G3BP1: variants seen among roughly 807,000 people sequenced by gnomAD.
G3BP1 encodes G3BP stress granule assembly factor 1.
In G3BP1, 35 loss-of-function variants were observed where a neutral mutation model predicts 58.6. That is an observed-to-expected ratio of 0.60 (90% CI 0.46 to 0.79). The LOEUF is 0.79. Ranked by LOEUF, G3BP1 falls within the 30% of genes least tolerant of loss-of-function variation. The pLI is 0.00. For synonymous variants in G3BP1, 191 were observed against 195.4 expected, an observed-to-expected ratio of 0.98 and a Z score of 0.19; for missense variants, 523 against 580.8, an observed-to-expected ratio of 0.90 and a Z score of 1.02.
At chr5:151,792,069 C>T (rs1451881745) in intron 4 of G3BP1, 2 of 456,126 alleles carry the variant, frequency 4.4e-6, no homozygotes, top group Middle Eastern at 3.2e-4. Context: ...GTTCCTGGCC[C>T]AGTCCCTATT....
At position 151,800,877 on chromosome 5, in the gene G3BP1, GC is replaced by G; in HGVS notation, c.1194+9del. 7 of 1,355,018 alleles carry G rather than the reference GC, an allele frequency of 5.2e-6. No homozygotes were observed. Among genetic ancestry groups the G allele is most frequent in the Non-Finnish European group, 7.3e-6 (7 of 964,590 alleles). 83.9% of individuals were successfully genotyped at this position (1,355,018 alleles called of 1,614,324 possible). A position where few individuals can be genotyped will look rare whatever the true frequency, so the allele number is the denominator to read the frequency against. On this transcript the variant is annotated intron_variant, in intron 11 of 11. Transcript: ENST00000356245. Reference sequence around the variant, plus strand: ...AAAGTCCTTAGCAACAGGGTAAGCAGCTTTTTGTCTTGATTTTTTTTTTTTT... The same window carrying G: ...AAAGTCCTTAGCAACAGGGTAAGCAGTTTTTGTCTTGATTTTTTTTTTTTT...
chr5:151,785,745 A>G, intron 1 of G3BP1, among the ~76,000 whole-genome samples: 1 of 152,178 alleles, frequency 6.6e-6, no homozygotes, highest in East Asian at 1.9e-4. Context: ...TAACTTCCCC[A>G]TTTTATTTTG....
chr5:151,804,329 T>C lies in G3BP1; in HGVS notation c.*238T>C, dbSNP rs1448648874. The C allele has an allele frequency of 5.5e-6, 2 of 364,082 alleles. No homozygotes were observed. Among genetic ancestry groups the C allele is most frequent in the African/African-American group, 2.1e-5 (1 of 47,148 alleles). 22.6% of individuals were successfully genotyped at this position (364,082 alleles called of 1,614,324 possible). A position where few individuals can be genotyped will look rare whatever the true frequency, so the allele number is the denominator to read the frequency against. ...TGATATTTTAGGAATAACGGACTTT[T>C]AAAGAAGCAAAAAAAAAGACTGAAT... is the stretch of plus-strand genomic sequence containing the variant. On this transcript the variant is annotated 3_prime_UTR_variant, in exon 12 of 12. Coordinates refer to ENST00000356245, the MANE Select transcript of G3BP1 (RefSeq NM_005754.3).
Position 151,786,738 on chromosome 5 carries a change from C to T in G3BP1, c.95+23C>T, listed in dbSNP as rs1187465419. 8 of 1,308,060 alleles carry T rather than the reference C, an allele frequency of 6.1e-6. No homozygotes were observed. In the African/African-American group the frequency reaches 7.2e-5, roughly 12 times the overall value. 81.0% of individuals were successfully genotyped at this position (1,308,060 alleles called of 1,614,324 possible). A position where few individuals can be genotyped will look rare whatever the true frequency, so the allele number is the denominator to read the frequency against. On this transcript the variant is annotated intron_variant, in intron 2 of 11. Transcript: ENST00000356245. The stretch of plus-strand genomic sequence containing the variant: ...TAGGTAAGACATTTTTCTCCTGCAT[C>T]ATCTAATGCTGTCTTTTAGTATGTG...
At position 151,812,431 on chromosome 5, in the gene G3BP1, G is replaced by T. The variant is rs1313526746; in HGVS notation, c.*8340G>T. On this transcript the variant is annotated 3_prime_UTR_variant, in exon 12 of 12. Transcript: ENST00000356245. ...AAAATTATTTGCAGAATAATAACCT[G>T]GGATTTGCTCTTCTGCCTAAACATC... 2.6e-5 allele frequency: 4 copies of T among 152,184 alleles called. No homozygotes were observed. The highest frequency in any genetic ancestry group is 9.7e-5 in the African/African-American group (4 of 41,426). 9.4% of individuals were successfully genotyped at this position (152,184 alleles called of 1,614,324 possible). A position where few individuals can be genotyped will look rare whatever the true frequency, so the allele number is the denominator to read the frequency against.
chr5:151,775,201 A>G (rs1420861688), intron 1 of G3BP1, among the ~76,000 whole-genome samples: 1 of 152,242 alleles, frequency 6.6e-6, no homozygotes, highest in Non-Finnish European at 1.5e-5. Context: ...TGTGTGTTGT[A>G]TCTTAGGTAC....
chr5:151,787,590 T>C (rs572611033), intron 2 of G3BP1, among the ~76,000 whole-genome samples: 1 of 152,342 alleles, frequency 6.6e-6, no homozygotes, highest in African/African-American at 2.4e-5. Flanking sequence ...TATAGAGATG[T>C]AGTGTACTTT....
In G3BP1 at chr5:151,803,825, C is replaced by T. The variant is rs1453130358; in HGVS notation, c.1195-60C>T. Reference sequence around the variant, plus strand: ...GGTTCATTATTACAGCTTTCTTTATCTTTGATAGTGATAGCCAGCTCATCA... The same window carrying T: ...GGTTCATTATTACAGCTTTCTTTATTTTTGATAGTGATAGCCAGCTCATCA... On this transcript the variant is annotated intron_variant, in intron 11 of 11. Transcript: ENST00000356245. 3 of 1,148,348 alleles carry T rather than the reference C, an allele frequency of 2.6e-6. No homozygotes were observed. The African/African-American group carries it at 4.6e-5, about 18-fold the overall frequency. 71.1% of individuals were successfully genotyped at this position (1,148,348 alleles called of 1,614,324 possible).
At position 151,809,218 on chromosome 5, in the gene G3BP1, A is replaced by C. The variant is rs905868246; in HGVS notation, c.*5127A>C. On this transcript the variant is annotated 3_prime_UTR_variant, in exon 12 of 12. Transcript: ENST00000356245. ...GAAAACAACAAAAACCACTTCGGTT[A>C]CTCACTGTCCTCATGCTTTGATGTC... The C allele has an allele frequency of 6.6e-6, 1 of 152,182 alleles. No homozygotes were observed. Among genetic ancestry groups the C allele is most frequent in the African/African-American group, 2.4e-5 (1 of 41,426 alleles). The allele number at this position is 152,182 out of a possible 1,614,324, so 9.4% of individuals were successfully genotyped here.
At chr5:151,789,368 TA>T (rs77771049) in intron 2 of G3BP1, among the ~76,000 whole-genome samples, 30,856 of 149,222 alleles carry the variant, frequency 0.21, 3,761 homozygotes, top group South Asian at 0.32. Context: ...GACTCTGTCT[TA>T]AAAAAAAAAA....
chr5:151,792,087 C>G (rs1304827510), intron 4 of G3BP1: 2 of 456,254 alleles, frequency 4.4e-6, no homozygotes, highest in South Asian at 3.1e-5. Context: ...ATTCTTGAAT[C>G]AGCTGTTCCT....
intron 1 of G3BP1, among the ~76,000 whole-genome samples, chr5:151,779,201 G>C (rs1762426063): frequency 6.6e-6 from 1 of 152,234 alleles, no homozygotes; most frequent in South Asian, 2.1e-4. Context: ...TGATCAATTC[G>C]CTTTCTTCTT....
At position 151,803,884 on chromosome 5, in the gene G3BP1, G is replaced by C; in HGVS notation, c.1195-1G>C. 6.2e-7 allele frequency: 1 copy of C among 1,607,108 alleles called. No homozygotes were observed. Among genetic ancestry groups the C allele is most frequent in the Non-Finnish European group, 8.5e-7 (1 of 1,173,920 alleles). The stretch of plus-strand genomic sequence containing the variant: ...AAGTCTGGTCACCTTGATTCTTACA[G>C]CCCATCATGTTCAGAGGTGAGGTCC... On this transcript the variant is annotated splice_acceptor_variant, in intron 11 of 11. Transcript: ENST00000356245. LOFTEE classifies it high-confidence loss of function.
At chr5:151,780,546 A>G (rs1762449193) in intron 1 of G3BP1, among the ~76,000 whole-genome samples, 1 of 152,102 alleles carries the variant, frequency 6.6e-6, no homozygotes, top group Admixed American at 6.5e-5. Flanking sequence ...AGTCTTGCTC[A>G]TTCGCCTAGG....
At chr5:151,794,096 G>T in intron 4 of G3BP1, 63 bp from the exon 5 acceptor site, 1 of 934,382 alleles carries the variant, frequency 1.1e-6, no homozygotes, top group Non-Finnish European at 1.8e-6. Context: ...CACCAATGGT[G>T]TAGAGTGATT....
rs1762769530 is a variant in G3BP1, at chr5:151,797,299, A to G, written c.612A>G (p.Gln204=). Residue 204 remains glutamine (Q), a synonymous_variant, in exon 7 of 12, where the codon CAA becomes CAG. Transcript: ENST00000356245. ...CTGATCCTGAACCAGAACCAGAACA[A>G]GAACCTGTATCTGAAATCCAAGAGG... is the stretch of plus-strand genomic sequence containing the variant. The part of the protein sequence containing the change: ...PEPDPEPEPE[Q]EPVSEIQEEK... 8 of 1,613,522 alleles carry G rather than the reference A, an allele frequency of 5.0e-6. No individual in the cohort carries two copies. Among genetic ancestry groups the G allele is most frequent in the Non-Finnish European group, 6.8e-6 (8 of 1,179,548 alleles).
chr5:151,797,371 G>A lies in G3BP1; in HGVS notation c.684G>A (p.Gln228=). The change falls in exon 7 of 12, where the codon CAG becomes CAA. Residue 228 remains glutamine, a synonymous_variant. Coordinates refer to ENST00000356245, the MANE Select transcript of G3BP1 (RefSeq NM_005754.3). ...VLEETAPEDA[Q]KSSSPAPADI... Reference sequence around the variant, plus strand: ...AAGAAACTGCCCCTGAGGATGCTCAGAAGAGTTCTTCTCCAGCACCTGCAG... The same window carrying A: ...AAGAAACTGCCCCTGAGGATGCTCAAAAGAGTTCTTCTCCAGCACCTGCAG... The A allele has an allele frequency of 6.2e-7, 1 of 1,614,066 alleles. No individual in the cohort carries two copies. The highest frequency in any genetic ancestry group is 8.5e-7 in the Non-Finnish European group (1 of 1,179,922).
At position 151,796,355 on chromosome 5, in the gene G3BP1, G is replaced by A. The variant is rs554639155; in HGVS notation, c.539+780G>A. ...GCGATCTTGGCTGACTGCAACCTCC[G>A]CTTCCTGGATTCAAGCAATCCCCCT... On this transcript the variant is annotated intron_variant, in intron 6 of 11. Coordinates refer to ENST00000356245, the MANE Select transcript of G3BP1 (RefSeq NM_005754.3). Among the ~76,000 whole-genome samples the A allele has an allele frequency of 2.2e-3, 334 of 152,296 alleles. 3 individuals are homozygous for A. Among genetic ancestry groups the A allele is most frequent in the African/African-American group, 7.3e-3 (305 of 41,560 alleles).
intron 1 of G3BP1, among the ~76,000 whole-genome samples, chr5:151,777,235 A>T (rs1762387681): frequency 2.6e-5 from 4 of 152,356 alleles, no homozygotes; most frequent in African/African-American, 9.6e-5. Context: ...CACGATTTAG[A>T]GAACCAGATA....
Sources: allele counts gnomAD v4.1 joint callset (sites outside exome capture counted in the v4.1 genomes callset), GRCh38; gene constraint gnomAD v4.1.1; transcripts MANE v1.5; gene names NCBI Gene and HGNC (gene_info 2026-07-23, HGNC 2026-07-21).